Variants in EVI5L observed in about 807,000 individuals in gnomAD.
EVI5L encodes the protein EVI5-like protein.
Under a neutral mutation model 106.1 loss-of-function variants are expected in EVI5L, and 30 were observed. The ratio of observed to expected loss-of-function variants is 0.28; its 90% CI spans 0.21 to 0.38. The LOEUF is 0.38. Ranked by LOEUF, EVI5L falls within the 10% of genes least tolerant of loss-of-function variation. The pLI, the probability that EVI5L is intolerant of heterozygous loss-of-function variation, is 1.00. For synonymous variants in EVI5L, 489 were observed against 483.3 expected, an observed-to-expected ratio of 1.01 and a Z score of -0.15; for missense variants, 809 against 1,098.0, an observed-to-expected ratio of 0.74 and a Z score of 3.72.
At chr19:7,852,114 C>T (rs1756104063) in intron 8 of EVI5L, among the ~76,000 whole-genome samples, 1 of 152,188 alleles carries the variant, frequency 6.6e-6, no homozygotes, top group Admixed American at 6.5e-5. Flanking sequence ...TGAGGGCATC[C>T]CCACCCTGCC....
chr19:7,858,573 A>C lies in EVI5L; in HGVS notation c.1374+242A>C. Reference sequence around the variant, plus strand: ...TGTGTCTGCAGTATCTGACTTCCCAACCCCCAGCCTCAGCACGGAGGCCTC... The same window carrying C: ...TGTGTCTGCAGTATCTGACTTCCCACCCCCCAGCCTCAGCACGGAGGCCTC... On this transcript the variant is annotated intron_variant, in intron 13 of 19. Transcript: ENST00000538904. The surrounding 1 kb of genome is among the most constrained non-coding windows in gnomAD (Gnocchi z 5.7). The C allele has an allele frequency of 7.4e-6, 4 of 539,976 alleles. No individual in the cohort carries two copies. Among genetic ancestry groups the C allele is most frequent in the Non-Finnish European group, 1.3e-5 (4 of 311,680 alleles). 33.4% of individuals were successfully genotyped at this position (539,976 alleles called of 1,614,324 possible). A position where few individuals can be genotyped will look rare whatever the true frequency, so the allele number is the denominator to read the frequency against.
Position 7,848,875 on chromosome 19 carries a change from T to C in EVI5L, c.328-46T>C. ...CTGGGCTGGGTGGCCACGGGGAGGC[T>C]GCGCTGGGACCGAGTCCAGCCCCCG... On this transcript the variant is annotated intron_variant, in intron 3 of 19. Transcript: ENST00000538904. This position sits in a 1 kb window ranked among gnomAD's most constrained non-coding sequence, Gnocchi z 4.8. 1 of 1,575,478 alleles carries C rather than the reference T, an allele frequency of 6.3e-7. No homozygotes were observed. The highest frequency in any genetic ancestry group is 8.7e-7 in the Non-Finnish European group (1 of 1,155,784).
At position 7,857,869 on chromosome 19, in the gene EVI5L, C is replaced by G; in HGVS notation, c.1234-322C>G. 2 of 341,434 alleles carry G rather than the reference C, an allele frequency of 5.9e-6. No homozygotes were observed. The highest frequency in any genetic ancestry group is 1.1e-5 in the Non-Finnish European group (2 of 181,708). 21.2% of individuals were successfully genotyped at this position (341,434 alleles called of 1,614,324 possible). On this transcript the variant is annotated intron_variant, in intron 12 of 19. Coordinates refer to ENST00000538904, the MANE Select transcript of EVI5L (RefSeq NM_001159944.3). This position sits in a 1 kb window ranked among gnomAD's most constrained non-coding sequence, Gnocchi z 4.5. ...CGGCAGAGTCTGGCATGAATAGGCA[C>G]AGGTGGCCTCGCTGTGCCCCTGGAT...
intron 8 of EVI5L, 55 bp from the exon 9 acceptor site, chr19:7,853,031 C>T (rs1979333838): frequency 6.2e-7 from 1 of 1,600,846 alleles, no homozygotes; most frequent in African/African-American, 1.3e-5. Flanking sequence ...TCGGGCGGCC[C>T]CCGGTGGTCA....
Position 7,858,457 on chromosome 19 carries a change from G to A in EVI5L, c.1374+126G>A, listed in dbSNP as rs1451673272. The A allele has an allele frequency of 8.0e-7, 1 of 1,255,862 alleles. No homozygotes were observed. Among genetic ancestry groups the A allele is most frequent in the African/African-American group, 1.5e-5 (1 of 66,016 alleles). 77.8% of individuals were successfully genotyped at this position (1,255,862 alleles called of 1,614,324 possible). ...CACCTGGCCCTCCTGTTCCTTTCTGGGGTAAGGGGAACCCAGAGACAAGCG... is the reference window on the plus strand; with the variant it reads ...CACCTGGCCCTCCTGTTCCTTTCTGAGGTAAGGGGAACCCAGAGACAAGCG... On this transcript the variant is annotated intron_variant, in intron 13 of 19. Coordinates refer to ENST00000538904, the MANE Select transcript of EVI5L (RefSeq NM_001159944.3). The surrounding 1 kb of genome is among the most constrained non-coding windows in gnomAD (Gnocchi z 5.7).
At chr19:7,855,383 C>T (rs1338196049) in intron 10 of EVI5L, among the ~76,000 whole-genome samples, 1 of 152,192 alleles carries the variant, frequency 6.6e-6, no homozygotes, top group Non-Finnish European at 1.5e-5. Flanking sequence ...TGAGCCACTA[C>T]ACCTGGCCTA....
rs1406357894 is a variant in EVI5L at position 7,863,446 on chromosome 19, C to T, written c.2162C>T (p.Pro721Leu). 4.5e-6 allele frequency: 7 copies of T among 1,551,822 alleles called. No homozygotes were observed. The highest frequency in any genetic ancestry group is 1.4e-5 in the African/African-American group (1 of 73,002). The change falls in exon 20 of 20, where the codon CCG becomes CTG. Residue 721 changes from proline to leucine, a missense_variant. By Grantham distance (98) the Pro-to-Leu change is moderately conservative (BLOSUM62 -3). This residue lies in a region of EVI5L where 452 missense variants were observed against 509.9 expected (regional missense o/e 0.89). Coordinates refer to ENST00000538904, the MANE Select transcript of EVI5L (RefSeq NM_001159944.3). This position sits in a 1 kb window ranked among gnomAD's most constrained non-coding sequence, Gnocchi z 7.7. ...CAGGTGCGGCTGCTGAAGGGCCCGC[C>T]GCCCTTCGAGGACCCGCTGGCTTTC... ...KAEVRLLKGP[P>L]PFEDPLAFDG...
chr19:7,853,497 GT>G, intron 10 of EVI5L, 164 bp downstream of exon 10: 1 of 925,844 alleles, frequency 1.1e-6, no homozygotes, highest in Non-Finnish European at 1.6e-6. Flanking sequence ...TCCTTCACCT[GT>G]TAGGCCAGCT....
rs181979054 is a variant in EVI5L, at chr19:7,861,019, C to A, written c.1503+330C>A. Among the ~76,000 whole-genome samples, 371 of 152,174 alleles carry A rather than the reference C, an allele frequency of 2.4e-3. 3 individuals are homozygous for A. Among genetic ancestry groups the A allele is most frequent in the African/African-American group, 8.6e-3 (358 of 41,506 alleles). ...GAAGGAGAGAAAGGAAGGCCCAGGC[C>A]CATTGTGGCTGCCTCCCTACACATT... On this transcript the variant is annotated intron_variant, in intron 14 of 19. Coordinates refer to ENST00000538904, the MANE Select transcript of EVI5L (RefSeq NM_001159944.3).
intron 1 of EVI5L, among the ~76,000 whole-genome samples, chr19:7,842,507 T>C (rs1312950145): frequency 6.6e-6 from 1 of 150,922 alleles, no homozygotes; most frequent in Non-Finnish European, 1.5e-5. Context: ...AAAGTGTGTG[T>C]ATCAAGTGTG....
intron 1 of EVI5L, among the ~76,000 whole-genome samples, chr19:7,837,220 A>G (rs2146412403): frequency 6.6e-6 from 1 of 151,494 alleles, no homozygotes. Context: ...AATCCCAGCT[A>G]CTTGGGAGGC....
rs1401529361 is a variant in EVI5L at position 7,858,864 on chromosome 19, C to G, written c.1374+533C>G. On this transcript the variant is annotated intron_variant, in intron 13 of 19. Coordinates refer to ENST00000538904, the MANE Select transcript of EVI5L (RefSeq NM_001159944.3). This position sits in a 1 kb window ranked among gnomAD's most constrained non-coding sequence, Gnocchi z 5.7. ...GATGGGCAGGCCCATGAGTGGGGCC[C>G]CACCCCAAGATTTTCTTCTCCTGAA... 1.3e-5 allele frequency: 2 copies of G among 153,012 alleles called. No homozygotes were observed. Among genetic ancestry groups the G allele is most frequent in the East Asian group, 3.9e-4 (2 of 5,194 alleles). 9.5% of individuals were successfully genotyped at this position (153,012 alleles called of 1,614,324 possible).
In EVI5L at chr19:7,863,158, C is replaced by T; in HGVS notation, c.2044-27C>T. On this transcript the variant is annotated intron_variant, in intron 18 of 19. Transcript: ENST00000538904. This position sits in a 1 kb window ranked among gnomAD's most constrained non-coding sequence, Gnocchi z 7.7. ...GACCCCAGGCCCAGCATGGCACTGG[C>T]CCCGCGTGACCTGGCGCACCCCGCA... 2 of 1,547,468 alleles carry T rather than the reference C, an allele frequency of 1.3e-6. No homozygotes were observed. Among genetic ancestry groups the T allele is most frequent in the Non-Finnish European group, 1.7e-6 (2 of 1,145,878 alleles).
At position 7,856,703 on chromosome 19, in the gene EVI5L, C is replaced by T. The variant is rs1357726001; in HGVS notation, c.1201-389C>T. Among the ~76,000 whole-genome samples the T allele has an allele frequency of 1.3e-5, 2 of 152,110 alleles. No individual in the cohort carries two copies. The highest frequency in any genetic ancestry group is 2.4e-5 in the African/African-American group (1 of 41,420). Reference sequence around the variant, plus strand: ...GCCTTGTTCTGCCTTAAAATTACAACGCACCCCCTCCTCTCCCACTCTCCA... The same window carrying T: ...GCCTTGTTCTGCCTTAAAATTACAATGCACCCCCTCCTCTCCCACTCTCCA... On this transcript the variant is annotated intron_variant, in intron 11 of 19. Transcript: ENST00000538904. This position sits in a 1 kb window ranked among gnomAD's most constrained non-coding sequence, Gnocchi z 6.6.
intron 1 of EVI5L, among the ~76,000 whole-genome samples, chr19:7,844,179 C>T (rs777338483): frequency 4.6e-5 from 7 of 151,576 alleles, no homozygotes; most frequent in Non-Finnish European, 7.4e-5. Flanking sequence ...GGTGAAACCC[C>T]GTCTCTACTA....
rs1482223915 is a variant in EVI5L, at chr19:7,848,891, C to T, written c.328-30C>T. ...CGGGGAGGCTGCGCTGGGACCGAGTCCAGCCCCCGCTTCCCGCTCCCGTGG... is the reference window on the plus strand; with the variant it reads ...CGGGGAGGCTGCGCTGGGACCGAGTTCAGCCCCCGCTTCCCGCTCCCGTGG... On this transcript the variant is annotated intron_variant, in intron 3 of 19. Transcript: ENST00000538904. The surrounding 1 kb of genome is among the most constrained non-coding windows in gnomAD (Gnocchi z 4.8). The T allele has an allele frequency of 1.3e-6, 2 of 1,595,092 alleles. No individual in the cohort carries two copies. Among genetic ancestry groups the T allele is most frequent in the Non-Finnish European group, 1.7e-6 (2 of 1,167,678 alleles).
chr19:7,862,955 C>G lies in EVI5L; in HGVS notation c.1948-17C>G, dbSNP rs375186729. 1.8e-5 allele frequency: 27 copies of G among 1,531,450 alleles called. No individual in the cohort carries two copies. In the African/African-American group the frequency reaches 3.5e-4, roughly 20 times the overall value. The allele number at this position is 1,531,450 out of a possible 1,614,324, so 94.9% of individuals were successfully genotyped here. A position where few individuals can be genotyped will look rare whatever the true frequency, so the allele number is the denominator to read the frequency against. Reference sequence around the variant, plus strand: ...CCCCTGACCCGCCCTCCTTTCCCCCCAATCCCCCGACCCCAGAGCAAGGAG... The same window carrying G: ...CCCCTGACCCGCCCTCCTTTCCCCCGAATCCCCCGACCCCAGAGCAAGGAG... On this transcript the variant is annotated splice_polypyrimidine_tract_variant and intron_variant, in intron 17 of 19. Transcript: ENST00000538904.
At chr19:7,860,475 G>A in intron 13 of EVI5L, 86 bp from the exon 14 acceptor site, 2 of 1,218,782 alleles carry the variant, frequency 1.6e-6, no homozygotes, top group East Asian at 2.6e-5. Context: ...AGGGCTCTGG[G>A]GAGGCGGGGA....
intron 1 of EVI5L, among the ~76,000 whole-genome samples, chr19:7,844,289 G>A (rs1255721921): frequency 1.4e-5 from 2 of 147,704 alleles, no homozygotes; most frequent in Admixed American, 6.8e-5. Context: ...CCAAGATTAC[G>A]CCATTGCACT....
Sources: allele counts gnomAD v4.1 joint callset (sites outside exome capture counted in the v4.1 genomes callset), GRCh38; gene constraint gnomAD v4.1.1; regional missense constraint gnomAD v4.1.1; non-coding constraint Gnocchi (gnomAD v3.1); transcripts MANE v1.5; gene names NCBI Gene and HGNC (gene_info 2026-07-23, HGNC 2026-07-21).